ASH1L: variants seen among roughly 807,000 people sequenced by gnomAD.
ASH1L encodes the protein ASH1 like histone lysine methyltransferase.
Under a neutral mutation model 269.0 loss-of-function variants are expected in ASH1L, and 23 were observed. The observed-to-expected ratio is 0.09, with a 90% CI of 0.06 to 0.12. The LOEUF (loss-of-function observed/expected upper bound fraction) is 0.12. Ranked by LOEUF, ASH1L falls within the 10% of genes least tolerant of loss-of-function variation. The pLI is 1.00. For missense variants in ASH1L, 2,912 were observed against 3,567.8 expected, an observed-to-expected ratio of 0.82 and a Z score of 4.68; for synonymous variants, 1,187 against 1,253.5, an observed-to-expected ratio of 0.95 and a Z score of 1.12.
intron 1 of ASH1L, among the ~76,000 whole-genome samples, chr1:155,534,007 C>G (rs1164556237): frequency 6.6e-6 from 1 of 151,622 alleles, no homozygotes; most frequent in Non-Finnish European, 1.5e-5. Flanking sequence ...TCCTTGGTCT[C>G]ATGAACTTTA....
At chr1:155,415,553 C>T (rs1660143643) in intron 6 of ASH1L, among the ~76,000 whole-genome samples, 191 bp downstream of exon 6, 1 of 152,076 alleles carries the variant, frequency 6.6e-6, no homozygotes, top group African/African-American at 2.4e-5. Context: ...ACTGATTTCC[C>T]CCCACATCAG....
intron 2 of ASH1L, among the ~76,000 whole-genome samples, chr1:155,518,546 G>A (rs1668647872): frequency 6.6e-6 from 1 of 152,022 alleles, no homozygotes; most frequent in Non-Finnish European, 1.5e-5. Flanking sequence ...CAATTCAAAA[G>A]TAGTCAAATA....
chr1:155,386,660 C>T (rs890248996), intron 7 of ASH1L, among the ~76,000 whole-genome samples: 4 of 152,106 alleles, frequency 2.6e-5, no homozygotes, highest in Non-Finnish European at 2.9e-5. Context: ...TCCCAAAGTG[C>T]TGGGATGACA....
chr1:155,356,690 G>A (rs1654421669), intron 15 of ASH1L, among the ~76,000 whole-genome samples: 1 of 151,102 alleles, frequency 6.6e-6, no homozygotes, highest in Admixed American at 6.6e-5. Context: ...CCATGTTGCC[G>A]AAGATGGTCT....
rs1260880097 is a variant in ASH1L, at chr1:155,562,722, C to T, written c.-669G>A. ...ACCCACAGGAACCCCCTCGTCCAGT[C>T]CCTCACTACCCCTCAGGCCCTGTCA... On this transcript the variant is annotated 5_prime_UTR_variant, in exon 1 of 28. Coordinates refer to ENST00000392403, the MANE Select transcript of ASH1L (RefSeq NM_018489.3). 2 of 1,369,026 alleles carry T rather than the reference C, an allele frequency of 1.5e-6. No individual in the cohort carries two copies. The highest frequency in any genetic ancestry group is 2.0e-5 in the Admixed American group (1 of 50,018). The allele number at this position is 1,369,026 out of a possible 1,614,324, so 84.8% of individuals were successfully genotyped here. A position where few individuals can be genotyped will look rare whatever the true frequency, so the allele number is the denominator to read the frequency against.
intron 6 of ASH1L, among the ~76,000 whole-genome samples, chr1:155,403,645 T>G (rs1464790804): frequency 2.0e-5 from 3 of 152,130 alleles, no homozygotes; most frequent in Non-Finnish European, 4.4e-5. Flanking sequence ...TCTTCAGTAT[T>G]AGCCCAGACT....
intron 6 of ASH1L, among the ~76,000 whole-genome samples, chr1:155,400,333 A>G (rs912140503): frequency 6.6e-6 from 1 of 152,058 alleles, no homozygotes; most frequent in Non-Finnish European, 1.5e-5. Flanking sequence ...CTGTCTCAAA[A>G]AAAAAAAAAA....
intron 26 of ASH1L, 34 bp downstream of exon 26, chr1:155,339,294 C>G (rs915263543): frequency 2.5e-6 from 4 of 1,602,092 alleles, no homozygotes; most frequent in Non-Finnish European, 2.6e-6. Flanking sequence ...TTAGTCAATC[C>G]CTTAGGATCC....
Position 155,337,410 on chromosome 1 carries a change from T to G in ASH1L, c.*250A>C. ...GTCATCAATGTGGTCCTCCCTCCTC[T>G]CTACATTATTAACCCTTAAGGTGAA... On this transcript the variant is annotated 3_prime_UTR_variant, in exon 28 of 28. Coordinates refer to ENST00000392403, the MANE Select transcript of ASH1L (RefSeq NM_018489.3). 2.9e-6 allele frequency: 1 copy of G among 345,864 alleles called. No homozygotes were observed. The highest frequency in any genetic ancestry group is 8.7e-4 in the Middle Eastern group (1 of 1,152). 21.4% of individuals were successfully genotyped at this position (345,864 alleles called of 1,614,324 possible). A position where few individuals can be genotyped will look rare whatever the true frequency, so the allele number is the denominator to read the frequency against.
chr1:155,480,984 A>G lies in ASH1L; in HGVS notation c.1886T>C (p.Ile629Thr), dbSNP rs1193391187. Residue 629 changes from isoleucine (I) to threonine (T), a missense_variant, in exon 3 of 28, where the codon ATT becomes ACT. Around this residue, in one of 13 missense-constraint regions of ASH1L, gnomAD observed 715 missense variants for 721.0 expected, o/e 0.99. Coordinates refer to ENST00000392403, the MANE Select transcript of ASH1L (RefSeq NM_018489.3). Reference protein sequence around the residue: ...GHSISIECKGIDKEVNDSKTT... With the variant: ...GHSISIECKGTDKEVNDSKTT... The stretch of plus-strand genomic sequence containing the variant: ...TTTTGAATCATTTACCTCTTTATCA[A>G]TCCCTTTACATTCAATACTTATACT... 1.3e-5 allele frequency: 21 copies of G among 1,613,858 alleles called. No individual in the cohort carries two copies. The highest frequency in any genetic ancestry group is 1.8e-5 in the Non-Finnish European group (21 of 1,179,956).
At chr1:155,494,627 A>G (rs1667031614) in intron 2 of ASH1L, among the ~76,000 whole-genome samples, 1 of 152,156 alleles carries the variant, frequency 6.6e-6, no homozygotes, top group Non-Finnish European at 1.5e-5. Context: ...TGATCAGCTA[A>G]CATTTTAGTA....
intron 7 of ASH1L, among the ~76,000 whole-genome samples, chr1:155,388,555 G>A (rs1046400035): frequency 3.3e-5 from 5 of 152,048 alleles, no homozygotes; most frequent in Non-Finnish European, 7.4e-5. Context: ...AACAGCCTCA[G>A]CCTCAGCCTC....
rs746897194 is a variant in ASH1L at position 155,504,189 on chromosome 1, T to C, written c.420+16911A>G. 3.9e-5 allele frequency among the ~76,000 whole-genome samples: 6 copies of C among 152,336 alleles called. No homozygotes were observed. The East Asian group carries it at 5.8e-4, about 15-fold the overall frequency. On this transcript the variant is annotated intron_variant, in intron 2 of 27. Coordinates refer to ENST00000392403, the MANE Select transcript of ASH1L (RefSeq NM_018489.3). ...ACATAAAACATTATTTTCCCTTTCT[T>C]CTTGGAAGGTAATTCTTAATTGCTA...
chr1:155,538,593 C>T (rs1017031496), intron 1 of ASH1L, among the ~76,000 whole-genome samples: 2 of 149,826 alleles, frequency 1.3e-5, no homozygotes, highest in Non-Finnish European at 3.0e-5. Flanking sequence ...CTGCCCGCCT[C>T]GGCCTTCCAA....
At chr1:155,468,882 T>C (rs941408151) in intron 3 of ASH1L, among the ~76,000 whole-genome samples, 3 of 152,200 alleles carry the variant, frequency 2.0e-5, no homozygotes, top group Non-Finnish European at 4.4e-5. Flanking sequence ...TGAGAAAATG[T>C]AATTACATCT....
At chr1:155,518,578 A>G (rs939959049) in intron 2 of ASH1L, among the ~76,000 whole-genome samples, 18 of 152,022 alleles carry the variant, frequency 1.2e-4, no homozygotes, top group South Asian at 2.1e-4. Flanking sequence ...CATTTCTTCA[A>G]AGAAGATACA....
At chr1:155,475,900 ATT>A (rs1036766739) in intron 3 of ASH1L, among the ~76,000 whole-genome samples, 1 of 152,066 alleles carries the variant, frequency 6.6e-6, no homozygotes, top group Non-Finnish European at 1.5e-5. Context: ...ACGTAATGTG[ATT>A]TTTTGTTTAT....
rs766289374 is a variant in ASH1L at position 155,481,033 on chromosome 1, C to T, written c.1837G>A (p.Val613Ile). 7.4e-6 allele frequency: 12 copies of T among 1,613,848 alleles called. No individual in the cohort carries two copies. Among genetic ancestry groups the T allele is most frequent in the Admixed American group, 5.0e-5 (3 of 59,982 alleles). Residue 613 changes from valine to isoleucine, a missense_variant, in exon 3 of 28, where the codon GTT becomes ATT. Around this residue, in one of 13 missense-constraint regions of ASH1L, gnomAD observed 715 missense variants for 721.0 expected, o/e 0.99. Transcript: ENST00000392403. ...CTATGACCAACTGACCTATGACCAA[C>T]GTTCAAGTGGGTACTTTCAGAAGTA... ...QFTSESTHLN[V>I]GHRSVGHSIS...
chr1:155,532,903 ATATG>A (rs949601415), intron 1 of ASH1L, among the ~76,000 whole-genome samples: 2 of 146,334 alleles, frequency 1.4e-5, no homozygotes, highest in African/African-American at 2.6e-5. Flanking sequence ...GTATGTATGT[ATATG>A]TATGTATGTG....
Sources: allele counts gnomAD v4.1 joint callset (sites outside exome capture counted in the v4.1 genomes callset), GRCh38; gene constraint gnomAD v4.1.1; regional missense constraint gnomAD v4.1.1; transcripts MANE v1.5; gene names NCBI Gene and HGNC (gene_info 2026-07-23, HGNC 2026-07-21).